The following CTNNB1 variants were observed in gnomAD, a reference collection of about 807,000 sequenced individuals.
CTNNB1 encodes the protein catenin beta 1, also known as catenin beta-1.
Under a neutral mutation model 82.5 loss-of-function variants are expected in CTNNB1, and 6 were observed. That is an observed-to-expected ratio of 0.07 (90% CI 0.04 to 0.14). The LOEUF is 0.14. Among genes scored for constraint, CTNNB1 ranks in the 10% least tolerant of loss-of-function variants. The pLI is 1.00. For missense variants in CTNNB1, 529 were observed against 980.4 expected (o/e 0.54, Z 6.15); for synonymous variants, 312 against 329.7 (o/e 0.95, Z 0.58).
chr3:41,235,487 C>T (rs982110650), intron 10 of CTNNB1: 44 of 564,956 alleles, frequency 7.8e-5, no homozygotes, highest in Non-Finnish European at 1.2e-4. Flanking sequence ...TGGGATTCAG[C>T]GCTGTATGGA....
rs566778763 is a variant in CTNNB1 at position 41,227,130 on chromosome 3, T to A, written c.937-78T>A. On this transcript the variant is annotated intron_variant, in intron 6 of 14. Coordinates refer to ENST00000349496, the MANE Select transcript of CTNNB1 (RefSeq NM_001904.4). ...TGGCTGAAATTCTTGTATAATAAAA[T>A]AGGTTGGTAATATGGCTCTTCTCAG... The A allele has an allele frequency of 2.5e-6, 3 of 1,216,848 alleles. No individual in the cohort carries two copies. The East Asian group carries it at 7.0e-5, about 28-fold the overall frequency. 75.4% of individuals were successfully genotyped at this position (1,216,848 alleles called of 1,614,324 possible).
intron 1 of CTNNB1, among the ~76,000 whole-genome samples, chr3:41,206,711 T>C (rs2077656183): frequency 6.6e-6 from 1 of 151,952 alleles, no homozygotes; most frequent in Admixed American, 6.6e-5. Flanking sequence ...AAGTTTTGCA[T>C]ATACTAGATG....
chr3:41,233,576 AGAT>A lies in CTNNB1; in HGVS notation c.1237_1239del (p.Asp413del). 1 of 1,614,242 alleles carries A rather than the reference AGAT, an allele frequency of 6.2e-7. No individual in the cohort carries two copies. The highest frequency in any genetic ancestry group is 8.5e-7 in the Non-Finnish European group (1 of 1,180,038). On this transcript the variant is annotated inframe_deletion, in exon 9 of 15. Transcript: ENST00000349496. The stretch of plus-strand genomic sequence containing the variant: ...GGACTCTTGTTCAGCTTCTGGGTTC[AGAT>A]GATATAAATGTGGTCACCTGTGCAG...
At chr3:41,230,200 GC>G (rs2078276319) in intron 7 of CTNNB1, among the ~76,000 whole-genome samples, 1 of 152,148 alleles carries the variant, frequency 6.6e-6, no homozygotes, top group South Asian at 2.1e-4. Flanking sequence ...GACAAATGTG[GC>G]TGAGTTCATA....
At chr3:41,203,798 ATAT>A (rs1371404430) in intron 1 of CTNNB1, among the ~76,000 whole-genome samples, 2 of 152,146 alleles carry the variant, frequency 1.3e-5, no homozygotes, top group African/African-American at 4.8e-5. Context: ...TCTGTTAGTA[ATAT>A]TATTTTCTGA....
At chr3:41,224,802 T>C (rs2078136430) in intron 3 of CTNNB1, 49 bp downstream of exon 3, 1 of 1,599,738 alleles carries the variant, frequency 6.3e-7, no homozygotes, top group African/African-American at 1.3e-5. Context: ...AATGCAGTTT[T>C]GAGAACTAAA....
intron 14 of CTNNB1, 31 bp from the exon 15 acceptor site, chr3:41,239,103 G>A (rs2125652825): frequency 2.5e-6 from 4 of 1,576,138 alleles, no homozygotes; most frequent in Non-Finnish European, 3.5e-6. Flanking sequence ...CTTCCTTCTT[G>A]CCTATTTTGT....
At chr3:41,237,446 CAA>C (rs3038134) in intron 13 of CTNNB1, 123 of 65,254 alleles carry the variant, frequency 1.9e-3, no homozygotes, top group South Asian at 8.6e-3. Context: ...GACTCCAACA[CAA>C]AAAAAAAAAA....
chr3:41,218,755 C>G (rs1282163668), intron 1 of CTNNB1, among the ~76,000 whole-genome samples: 1 of 152,184 alleles, frequency 6.6e-6, no homozygotes, highest in Non-Finnish European at 1.5e-5. Context: ...CAGGGTTTCA[C>G]CATGTTGCCC....
intron 1 of CTNNB1, among the ~76,000 whole-genome samples, chr3:41,200,981 G>A (rs992392918): frequency 6.6e-6 from 1 of 152,204 alleles, no homozygotes; most frequent in African/African-American, 2.4e-5. Flanking sequence ...AGTGAAATGA[G>A]AGCTTTGTAT....
rs183441169 is a variant in CTNNB1, at chr3:41,218,151, T to C, written c.-48-5870T>C. Among the ~76,000 whole-genome samples the C allele has an allele frequency of 7.9e-5, 12 of 152,312 alleles. No individual in the cohort carries two copies. In the East Asian group the frequency reaches 1.9e-3, roughly 24 times the overall value. Reference sequence around the variant, plus strand: ...GTTTAATTTTAATGTAAAATAAGGATGAAAAATGATAGTTGGAATTACAAG... The same window carrying C: ...GTTTAATTTTAATGTAAAATAAGGACGAAAAATGATAGTTGGAATTACAAG... On this transcript the variant is annotated intron_variant, in intron 1 of 14. Transcript: ENST00000349496.
Position 41,234,133 on chromosome 3 carries a change from T to A in CTNNB1, c.1525-6T>A. On this transcript the variant is annotated splice_polypyrimidine_tract_variant and splice_region_variant and intron_variant, in intron 9 of 14. Coordinates refer to ENST00000349496, the MANE Select transcript of CTNNB1 (RefSeq NM_001904.4). ...TTGTATGCCAGTTCTTCCTTCTGTT[T>A]TTCAGGCTACTGTTGGATTGATTCG... is the stretch of plus-strand genomic sequence containing the variant. 1 of 1,614,234 alleles carries A rather than the reference T, an allele frequency of 6.2e-7. No individual in the cohort carries two copies. The highest frequency in any genetic ancestry group is 8.5e-7 in the Non-Finnish European group (1 of 1,180,040).
intron 3 of CTNNB1, 69 bp from the exon 4 acceptor site, chr3:41,224,885 A>G (rs1332067371): frequency 2.5e-6 from 4 of 1,611,374 alleles, no homozygotes; most frequent in African/African-American, 2.7e-5. Flanking sequence ...CACTTTTACC[A>G]TTTAGGATAG....
At chr3:41,206,565 A>C (rs1358635783) in intron 1 of CTNNB1, among the ~76,000 whole-genome samples, 2 of 152,138 alleles carry the variant, frequency 1.3e-5, no homozygotes, top group Admixed American at 6.5e-5. Context: ...AGTTGTTGCA[A>C]ACTGCTCCTA....
chr3:41,225,089 C>T lies in CTNNB1; in HGVS notation c.377C>T (p.Ala126Val), dbSNP rs2125620508. 7 of 1,614,098 alleles carry T rather than the reference C, an allele frequency of 4.3e-6. No homozygotes were observed. The highest frequency in any genetic ancestry group is 5.1e-6 in the Non-Finnish European group (6 of 1,180,000). ...AAHPTNVQRL[A>V]EPSQMLKHAV... ...CATCCCACTAATGTCCAGCGTTTGG[C>T]TGAACCATCACAGATGCTGAAACAT... Residue 126 changes from alanine (A) to valine (V), a missense_variant, in exon 4 of 15, where the codon GCT becomes GTT. By Grantham distance (64) the Ala-to-Val change is moderately conservative. Transcript: ENST00000349496. The surrounding 1 kb of genome is among the most constrained non-coding windows in gnomAD (Gnocchi z 5.3).
At chr3:41,207,441 T>A (rs978858906) in intron 1 of CTNNB1, among the ~76,000 whole-genome samples, 1 of 152,176 alleles carries the variant, frequency 6.6e-6, no homozygotes. Flanking sequence ...TTTAATACCT[T>A]CCCTTTTCTC....
At chr3:41,213,671 T>C (rs935834807) in intron 1 of CTNNB1, among the ~76,000 whole-genome samples, 3 of 152,210 alleles carry the variant, frequency 2.0e-5, no homozygotes, top group Admixed American at 1.3e-4. Context: ...AAATATCCCT[T>C]TTGATTAATA....
At chr3:41,223,460 T>C (rs555377279) in intron 1 of CTNNB1, among the ~76,000 whole-genome samples, 1 of 152,272 alleles carries the variant, frequency 6.6e-6, no homozygotes, top group African/African-American at 2.4e-5. Flanking sequence ...CAAACTTTCA[T>C]TTGAAAAGTA....
At position 41,236,692 on chromosome 3, in the gene CTNNB1, C is replaced by G. The variant is rs1308481359; in HGVS notation, c.2059C>G (p.Pro687Ala). Residue 687 changes from proline to alanine, a missense_variant, in exon 13 of 15, where the codon CCA becomes GCA. Transcript: ENST00000349496. Reference sequence around the variant, plus strand: ...GACCAGCTCTCTCTTCAGAACAGAGCCAATGGCTTGGAATGAGGTAGGGAA... The same window carrying G: ...GACCAGCTCTCTCTTCAGAACAGAGGCAATGGCTTGGAATGAGGTAGGGAA... ...ELTSSLFRTE[P>A]MAWNETADLG... The G allele has an allele frequency of 3.1e-6, 5 of 1,614,006 alleles. No individual in the cohort carries two copies. The highest frequency in any genetic ancestry group is 4.2e-6 in the Non-Finnish European group (5 of 1,179,992).
Sources: gnomAD v4.1 joint callset for allele counts (sites outside exome capture counted in the v4.1 genomes callset) on GRCh38, gnomAD v4.1.1 for gene constraint, Gnocchi (gnomAD v3.1) non-coding constraint, MANE v1.5 for transcripts, NCBI Gene and HGNC (gene_info 2026-07-23, HGNC 2026-07-21) for gene names.